Variants in ZC3H12B observed in about 807,000 individuals in gnomAD.
ZC3H12B encodes the protein zinc finger CCCH-type containing 12B, also known as probable ribonuclease ZC3H12B.
ZC3H12B carries 7 observed loss-of-function variants against 43.9 expected under a neutral mutation model. The ratio of observed to expected loss-of-function variants is 0.16; its 90% CI spans 0.09 to 0.30. ZC3H12B has a LOEUF of 0.30. ZC3H12B is among the 10% of genes least tolerant of loss of function. ZC3H12B has a pLI of 1.00. For synonymous variants in ZC3H12B, 222 were observed against 241.7 expected (o/e 0.92, Z 0.76); for missense variants, 475 against 670.2 (o/e 0.71, Z 3.22).
chrX:65,374,235 T>C (rs1471311025), intron 2 of ZC3H12B, among the ~76,000 whole-genome samples: 2 of 82,767 alleles, frequency 2.4e-5, no homozygotes, highest in African/African-American at 1.1e-4. Flanking sequence ...TATAGTATAG[T>C]AATATATATT....
the ZC3H12B span, among the ~76,000 whole-genome samples, chrX:65,181,383 CA>C: frequency 9.0e-6 from 1 of 111,447 alleles, no homozygotes; most frequent in African/African-American, 3.3e-5. Flanking sequence ...GCAATTGAAA[CA>C]AAAGCCAAAA....
intron 3 of ZC3H12B, among the ~76,000 whole-genome samples, chrX:65,450,189 C>A (rs979538639): frequency 9.6e-6 from 1 of 103,874 alleles, no homozygotes; most frequent in African/African-American, 3.5e-5. Context: ...CCTGTAATCC[C>A]AGCTACTTGG....
chrX:65,436,502 G>A (rs775294544), intron 3 of ZC3H12B, among the ~76,000 whole-genome samples: 7 of 112,091 alleles, frequency 6.2e-5, no homozygotes, highest in Admixed American at 5.7e-4. Flanking sequence ...TTTAAATGCC[G>A]ACCTTTTTTG....
At chrX:65,134,695 C>T in the ZC3H12B span, among the ~76,000 whole-genome samples, 2 of 111,331 alleles carry the variant, frequency 1.8e-5, no homozygotes, top group Admixed American at 9.5e-5. Flanking sequence ...CCTCCTGTCC[C>T]GAGTCTTCGG....
At chrX:65,406,506 T>A (rs2066823024) in intron 3 of ZC3H12B, among the ~76,000 whole-genome samples, 1 of 98,132 alleles carries the variant, frequency 1.0e-5, no homozygotes, top group African/African-American at 3.8e-5. Flanking sequence ...AGAACATACC[T>A]CAACATAATA....
intron 2 of ZC3H12B, among the ~76,000 whole-genome samples, chrX:65,380,708 A>G (rs1336132884): frequency 8.9e-6 from 1 of 111,853 alleles, no homozygotes; most frequent in Non-Finnish European, 1.9e-5. Flanking sequence ...GTATTCAGGA[A>G]ACCCATCTCA....
At chrX:65,340,113 C>G in the ZC3H12B span, among the ~76,000 whole-genome samples, 1 of 111,807 alleles carries the variant, frequency 8.9e-6, no homozygotes, top group Non-Finnish European at 1.9e-5. Flanking sequence ...TGAAAGAGAA[C>G]AGTGAACCTT....
At chrX:65,428,949 C>G (rs575568997) in intron 3 of ZC3H12B, among the ~76,000 whole-genome samples, 4 of 112,184 alleles carry the variant, frequency 3.6e-5, no homozygotes, top group African/African-American at 1.3e-4. Context: ...TTTGTTAATG[C>G]TGTTGTTGTT....
At chrX:65,359,938 TA>T in the ZC3H12B span, among the ~76,000 whole-genome samples, 1 of 111,839 alleles carries the variant, frequency 8.9e-6, no homozygotes, top group Non-Finnish European at 1.9e-5. Context: ...TTTCTAAATT[TA>T]AGAAATTGCC....
At chrX:65,460,780 A>T (rs2067730438) in intron 3 of ZC3H12B, among the ~76,000 whole-genome samples, 1 of 111,731 alleles carries the variant, frequency 9.0e-6, no homozygotes, top group Admixed American at 9.5e-5. Context: ...AGGCAATACC[A>T]TTCAGGACAT....
intron 2 of ZC3H12B, among the ~76,000 whole-genome samples, chrX:65,381,321 A>G (rs1183884231): frequency 1.8e-5 from 2 of 111,929 alleles, no homozygotes; most frequent in Non-Finnish European, 1.9e-5. Flanking sequence ...GCTCAACTAC[A>G]TGGAAACTAA....
At chrX:65,120,417 T>C in the ZC3H12B span, among the ~76,000 whole-genome samples, 15 of 111,712 alleles carry the variant, frequency 1.3e-4, no homozygotes, top group African/African-American at 4.2e-4. Context: ...CAATTGTGAA[T>C]GGGAGTTCAC....
At chrX:65,468,353 A>G (rs1017465237) in intron 3 of ZC3H12B, among the ~76,000 whole-genome samples, 7 of 111,750 alleles carry the variant, frequency 6.3e-5, no homozygotes, top group African/African-American at 1.9e-4. Flanking sequence ...TTTGATTACT[A>G]TAGCCTTGTA....
chrX:65,132,504 G>T, the ZC3H12B span, among the ~76,000 whole-genome samples: 1 of 110,165 alleles, frequency 9.1e-6, no homozygotes, highest in Admixed American at 9.7e-5. Flanking sequence ...TTGAGGTGGG[G>T]AGATACAAGG....
intron 3 of ZC3H12B, among the ~76,000 whole-genome samples, chrX:65,445,660 C>T (rs1040491284): frequency 3.6e-5 from 4 of 112,273 alleles, no homozygotes. Flanking sequence ...CTGGCTACCA[C>T]TGATTTTGAT....
the ZC3H12B span, among the ~76,000 whole-genome samples, chrX:65,222,457 C>T: frequency 9.1e-6 from 1 of 110,114 alleles, no homozygotes; most frequent in Non-Finnish European, 1.9e-5. Flanking sequence ...AAGACTTATC[C>T]AAAAAGCTTC....
intron 3 of ZC3H12B, among the ~76,000 whole-genome samples, chrX:65,444,224 C>G (rs1279178393): frequency 1.8e-5 from 2 of 112,022 alleles, no homozygotes; most frequent in Admixed American, 1.9e-4. Context: ...TCTTATAACC[C>G]ATTATTTTAA....
At chrX:65,236,924 G>A in the ZC3H12B span, among the ~76,000 whole-genome samples, 1 of 111,655 alleles carries the variant, frequency 9.0e-6, no homozygotes, top group East Asian at 2.8e-4. Context: ...TTTTGTACCA[G>A]TACCATGTTG....
chrX:65,430,672 C>T (rs1332855406), intron 3 of ZC3H12B, among the ~76,000 whole-genome samples: 1 of 109,815 alleles, frequency 9.1e-6, no homozygotes, highest in African/African-American at 3.3e-5. Context: ...AGGACATGAA[C>T]TCATCCTTTT....
Sources: gnomAD v4.1 joint callset for allele counts (sites outside exome capture counted in the v4.1 genomes callset) on GRCh38, gnomAD v4.1.1 for gene constraint, MANE v1.5 for transcripts, NCBI Gene and HGNC (gene_info 2026-07-23, HGNC 2026-07-21) for gene names.